Variants in ANGPT1 observed in about 807,000 individuals in gnomAD.
ANGPT1 encodes angiopoietin-1.
Under a neutral mutation model 62.2 loss-of-function variants are expected in ANGPT1, and 17 were observed. The ratio of observed to expected loss-of-function variants is 0.27; its 90% confidence interval spans 0.19 to 0.41. The LOEUF (loss-of-function observed/expected upper bound fraction) is 0.41. Among genes scored for constraint, ANGPT1 ranks in the 10% least tolerant of loss-of-function variants. ANGPT1 has a pLI of 1.00. For missense variants in ANGPT1, 478 were observed against 594.9 expected (o/e 0.80, Z 2.04); for synonymous variants, 199 against 198.9 (o/e 1.00, Z 0.00).
At chr8:107,403,728 AT>A (rs1350174551) in intron 1 of ANGPT1, among the ~76,000 whole-genome samples, 2 of 152,172 alleles carry the variant, frequency 1.3e-5, no homozygotes, top group African/African-American at 4.8e-5. Flanking sequence ...TATTTTAAAA[AT>A]AGGGATCCTT....
At chr8:107,482,255 A>G (rs1044001565) in intron 1 of ANGPT1, among the ~76,000 whole-genome samples, 4 of 152,210 alleles carry the variant, frequency 2.6e-5, no homozygotes, top group African/African-American at 4.8e-5. Flanking sequence ...GTCAGACTCT[A>G]TGAGTCAGGA....
intron 7 of ANGPT1, among the ~76,000 whole-genome samples, chr8:107,271,301 G>C (rs1190469608): frequency 6.6e-6 from 1 of 152,098 alleles, no homozygotes; most frequent in African/African-American, 2.4e-5. Flanking sequence ...GGTGATACCC[G>C]GAAAGCCCTT....
At chr8:107,264,151 C>T in intron 8 of ANGPT1, 70 bp downstream of exon 8, 1 of 1,524,310 alleles carries the variant, frequency 6.6e-7, no homozygotes, top group Non-Finnish European at 8.8e-7. Flanking sequence ...ATACTCCTTT[C>T]TCATAGATAA....
At position 107,410,018 on chromosome 8, in the gene ANGPT1, T is replaced by A. The variant is rs574334067; in HGVS notation, c.298-62921A>T. 2.0e-5 allele frequency among the ~76,000 whole-genome samples: 3 copies of A among 152,184 alleles called. No individual in the cohort carries two copies. In the East Asian group the frequency reaches 5.8e-4, roughly 29 times the overall value. On this transcript the variant is annotated intron_variant, in intron 1 of 8. Coordinates refer to ENST00000517746, the MANE Select transcript of ANGPT1 (RefSeq NM_001146.5). ...CCAAGATTTATTGAGCCAGATGCTG[T>A]GCTAAGTAATAGGAAAGTTATGCCA...
At position 107,312,483 on chromosome 8, in the gene ANGPT1, T is replaced by C. The variant is rs79521818; in HGVS notation, c.809-9116A>G. The stretch of plus-strand genomic sequence containing the variant: ...GCAATGCTGTAAACATAGAAAGCAG[T>C]TGCCAGATGTTTTTGAAAACTGACA... On this transcript the variant is annotated intron_variant, in intron 4 of 8. Coordinates refer to ENST00000517746, the MANE Select transcript of ANGPT1 (RefSeq NM_001146.5). Among the ~76,000 whole-genome samples the C allele has an allele frequency of 1.9e-4, 29 of 152,316 alleles. No individual in the cohort carries two copies. The East Asian group carries it at 4.3e-3, about 22-fold the overall frequency.
intron 8 of ANGPT1, among the ~76,000 whole-genome samples, chr8:107,258,268 C>T (rs1353971872): frequency 6.6e-6 from 1 of 152,078 alleles, no homozygotes; most frequent in Non-Finnish European, 1.5e-5. Context: ...CATTTAAATT[C>T]TACTTCTGAC....
intron 1 of ANGPT1, among the ~76,000 whole-genome samples, chr8:107,351,045 A>T (rs1182324893): frequency 6.6e-6 from 1 of 152,132 alleles, no homozygotes; most frequent in East Asian, 1.9e-4. Context: ...ATATTTTATA[A>T]ACATCTAAGA....
intron 7 of ANGPT1, among the ~76,000 whole-genome samples, chr8:107,265,419 T>C (rs1300785049): frequency 2.0e-5 from 3 of 152,206 alleles, no homozygotes; most frequent in Non-Finnish European, 2.9e-5. Context: ...TGCTTTCATA[T>C]CCTTCTGGGC....
intron 5 of ANGPT1, among the ~76,000 whole-genome samples, chr8:107,299,642 G>T (rs1814517204): frequency 7.4e-6 from 1 of 134,388 alleles, no homozygotes; most frequent in African/African-American, 2.7e-5. Context: ...TCTATATATA[G>T]ATATAAATAT....
intron 1 of ANGPT1, among the ~76,000 whole-genome samples, chr8:107,410,763 A>G (rs2130355067): frequency 6.6e-6 from 1 of 152,336 alleles, no homozygotes; most frequent in East Asian, 1.9e-4. Flanking sequence ...TATGGTCAGC[A>G]TAAAATATTT....
intron 1 of ANGPT1, among the ~76,000 whole-genome samples, chr8:107,488,594 A>T (rs1812876965): frequency 6.6e-6 from 1 of 152,234 alleles, no homozygotes; most frequent in South Asian, 2.1e-4. Context: ...AAGTTATTAA[A>T]TATTCAACTT....
At chr8:107,476,865 C>T (rs1238666305) in intron 1 of ANGPT1, among the ~76,000 whole-genome samples, 1 of 152,190 alleles carries the variant, frequency 6.6e-6, no homozygotes, top group Non-Finnish European at 1.5e-5. Flanking sequence ...TTTTTATTTA[C>T]TTATGTTCAT....
At chr8:107,373,057 A>T (rs915680035) in intron 1 of ANGPT1, among the ~76,000 whole-genome samples, 1 of 152,158 alleles carries the variant, frequency 6.6e-6, no homozygotes, top group African/African-American at 2.4e-5. Context: ...TGGTGACTAC[A>T]TGCAAGTTTA....
At chr8:107,461,688 T>C (rs916798526) in intron 1 of ANGPT1, among the ~76,000 whole-genome samples, 2 of 152,170 alleles carry the variant, frequency 1.3e-5, no homozygotes, top group Admixed American at 6.6e-5. Flanking sequence ...TCAGATAGGA[T>C]ACATGCTGTG....
At chr8:107,326,034 G>A (rs1230168625) in intron 3 of ANGPT1, among the ~76,000 whole-genome samples, 3 of 152,064 alleles carry the variant, frequency 2.0e-5, no homozygotes, top group Non-Finnish European at 4.4e-5. Context: ...ATAATATAAC[G>A]CACATTAGCA....
intron 1 of ANGPT1, among the ~76,000 whole-genome samples, chr8:107,390,195 T>C (rs541625132): frequency 1.3e-5 from 2 of 152,348 alleles, no homozygotes; most frequent in East Asian, 1.9e-4. Context: ...AGAAAACTTA[T>C]TTCCAATATC....
chr8:107,456,900 C>G (rs572609443), intron 1 of ANGPT1, among the ~76,000 whole-genome samples: 3 of 152,070 alleles, frequency 2.0e-5, no homozygotes, highest in Admixed American at 2.0e-4. Context: ...TTATTTTGAA[C>G]CAAAAAGTTC....
At chr8:107,276,285 G>A (rs753617352) in intron 7 of ANGPT1, among the ~76,000 whole-genome samples, 5 of 152,136 alleles carry the variant, frequency 3.3e-5, no homozygotes, top group African/African-American at 9.7e-5. Flanking sequence ...AAAACCTTGA[G>A]TTTGAAAACC....
Position 107,280,455 on chromosome 8 carries a change from G to A in ANGPT1, c.1205+4227C>T, listed in dbSNP as rs114744822. Among the ~76,000 whole-genome samples, 58 of 152,260 alleles carry A rather than the reference G, an allele frequency of 3.8e-4. 1 individual carries two copies. The highest frequency in any genetic ancestry group is 1.2e-3 in the African/African-American group (48 of 41,548). On this transcript the variant is annotated intron_variant, in intron 7 of 8. Coordinates refer to ENST00000517746, the MANE Select transcript of ANGPT1 (RefSeq NM_001146.5). ...TTTCCCGGAAGTGGAAGAAAGAAGC[G>A]CTTTAGTATTGAAGGAGGCAATGGG...
Sources: gnomAD v4.1 joint callset for allele counts (sites outside exome capture counted in the v4.1 genomes callset) on GRCh38, gnomAD v4.1.1 for gene constraint, MANE v1.5 for transcripts, NCBI Gene and HGNC (gene_info 2026-07-23, HGNC 2026-07-21) for gene names.